Variants in GPHN observed in about 807,000 individuals in gnomAD.
GPHN encodes the protein gephyrin.
In GPHN, 17 loss-of-function variants were observed where a neutral mutation model predicts 95.5. That is an observed-to-expected ratio of 0.18 (90% CI 0.12 to 0.27). The LOEUF (loss-of-function observed/expected upper bound fraction) is 0.27. Ranked by LOEUF, GPHN falls within the 10% of genes least tolerant of loss-of-function variation. GPHN has a pLI of 1.00. For missense variants in GPHN, 660 were observed against 978.1 expected (o/e 0.67, Z 4.34); for synonymous variants, 320 against 322.5 (o/e 0.99, Z 0.08).
the GPHN span, among the ~76,000 whole-genome samples, chr14:67,527,629 A>G: frequency 5.3e-5 from 8 of 152,180 alleles, no homozygotes; most frequent in Non-Finnish European, 7.3e-5. Flanking sequence ...ATTCCCATTC[A>G]GCAATTCTCA....
chr14:67,225,955 GTGTGTGTGCGCGCGCGCGCGTGCGCA>G, the GPHN span, among the ~76,000 whole-genome samples: 1 of 137,002 alleles, frequency 7.3e-6, no homozygotes, highest in Non-Finnish European at 1.5e-5. Context: ...GTGTGTGTGT[GTGTGTGTGCGCGCGCGCGCGTGCGCA>G]TGCGCGTGCA....
At chr14:66,543,885 T>A (rs1417896775) in intron 1 of GPHN, among the ~76,000 whole-genome samples, 6 of 152,200 alleles carry the variant, frequency 3.9e-5, no homozygotes, top group Admixed American at 3.9e-4. Context: ...CTTTTACACA[T>A]CCTTTTGCAG....
chr14:67,547,749 C>G, the GPHN span, among the ~76,000 whole-genome samples: 2 of 152,338 alleles, frequency 1.3e-5, no homozygotes, highest in Admixed American at 6.5e-5. Context: ...CCTACCTTGA[C>G]ACAGTCTACT....
chr14:66,535,232 G>GA (rs200286066), intron 1 of GPHN, among the ~76,000 whole-genome samples: 2,110 of 149,742 alleles, frequency 0.014, 20 homozygotes, highest in Middle Eastern at 0.021. Context: ...CCCATTTTTT[G>GA]AAAAAAAAAT....
chr14:67,706,858 T>G, the GPHN span, among the ~76,000 whole-genome samples: 2 of 152,214 alleles, frequency 1.3e-5, no homozygotes, highest in Non-Finnish European at 2.9e-5. Context: ...TTAGGATGGT[T>G]CGTTCCTAGA....
At chr14:67,571,284 T>C in the GPHN span, 15 of 161,888 alleles carry the variant, frequency 9.3e-5, no homozygotes, top group South Asian at 2.6e-3. Context: ...AATTACCTTC[T>C]AAAAATGCCT....
At chr14:66,604,808 G>A (rs2062436805) in intron 1 of GPHN, among the ~76,000 whole-genome samples, 1 of 152,054 alleles carries the variant, frequency 6.6e-6, no homozygotes, top group African/African-American at 2.4e-5. Context: ...CCCAGGTACT[G>A]AGCATAATAT....
chr14:67,577,308 C>A, the GPHN span: 1 of 1,564,134 alleles, frequency 6.4e-7, no homozygotes, highest in Non-Finnish European at 8.7e-7. Flanking sequence ...GCAGATTCGC[C>A]GCTCTGGAGG....
chr14:66,610,856 A>G (rs2062750588), intron 1 of GPHN, among the ~76,000 whole-genome samples: 1 of 152,026 alleles, frequency 6.6e-6, no homozygotes, highest in Non-Finnish European at 1.5e-5. Flanking sequence ...TTCTGGCTAA[A>G]CTCACCTAGA....
chr14:67,451,758 T>C, the GPHN span, among the ~76,000 whole-genome samples: 117 of 152,312 alleles, frequency 7.7e-4, 1 homozygote, highest in Admixed American at 2.5e-3. Context: ...CTTTGGACTG[T>C]GGACTTTTGA....
At chr14:67,436,456 C>A in the GPHN span, among the ~76,000 whole-genome samples, 1 of 152,216 alleles carries the variant, frequency 6.6e-6, no homozygotes, top group Non-Finnish European at 1.5e-5. Context: ...CTTCCTGGCT[C>A]TCTCACAGCT....
At chr14:67,317,487 C>A in the GPHN span, 5 of 1,583,752 alleles carry the variant, frequency 3.2e-6, no homozygotes, top group South Asian at 4.5e-5. Flanking sequence ...ATGGTAAGTT[C>A]TACTCTCAGG....
the GPHN span, chr14:67,642,418 A>G: frequency 1.3e-5 from 21 of 1,570,088 alleles, no homozygotes; most frequent in African/African-American, 2.7e-5. Context: ...CTTGGGGCTC[A>G]TAACTTAGCT....
At chr14:67,336,756 T>G in the GPHN span, 1 of 456,040 alleles carries the variant, frequency 2.2e-6, no homozygotes, top group Non-Finnish European at 4.4e-6. Context: ...GAAGACGAAA[T>G]GTTAAACAGT....
intron 3 of GPHN, among the ~76,000 whole-genome samples, chr14:66,823,759 G>A (rs1033331662): frequency 3.3e-5 from 5 of 151,934 alleles, no homozygotes; most frequent in African/African-American, 9.7e-5. Flanking sequence ...TGTACATCTC[G>A]GTATCAGCCT....
the GPHN span, among the ~76,000 whole-genome samples, chr14:67,307,763 A>G: frequency 6.6e-6 from 1 of 152,242 alleles, no homozygotes; most frequent in Admixed American, 6.5e-5. Flanking sequence ...TAAATCTGCG[A>G]TAGTAAGAGA....
chr14:66,847,260 C>T (rs542490500), intron 4 of GPHN, among the ~76,000 whole-genome samples: 1 of 152,108 alleles, frequency 6.6e-6, no homozygotes, highest in South Asian at 2.1e-4. Flanking sequence ...GTTTTCTTAG[C>T]AATAATGAAC....
the GPHN span, chr14:67,397,627 CAG>C: frequency 1.3e-6 from 2 of 1,573,206 alleles, no homozygotes; most frequent in Admixed American, 3.5e-5. Flanking sequence ...GGCTGTGGAA[CAG>C]AGAGGAGCTG....
At chr14:66,757,064 G>GTGAA (rs2058582609) in intron 2 of GPHN, among the ~76,000 whole-genome samples, 1 of 152,168 alleles carries the variant, frequency 6.6e-6, no homozygotes, top group Non-Finnish European at 1.5e-5. Flanking sequence ...TAATAGGGGA[G>GTGAA]TGAAAGGAGA....
Sources: gnomAD v4.1 joint callset for allele counts (sites outside exome capture counted in the v4.1 genomes callset) on GRCh38, gnomAD v4.1.1 for gene constraint, MANE v1.5 for transcripts, NCBI Gene and HGNC (gene_info 2026-07-23, HGNC 2026-07-21) for gene names.